CLASP1: variants seen among roughly 807,000 people sequenced by gnomAD.
CLASP1 encodes cytoplasmic linker associated protein 1, also known as CLIP-associating protein 1.
A neutral mutation model predicts 192.3 loss-of-function variants in CLASP1; 38 were observed. The ratio of observed to expected loss-of-function variants is 0.20; its 90% CI spans 0.15 to 0.26. The LOEUF is 0.26. Among genes scored for constraint, CLASP1 ranks in the 10% least tolerant of loss-of-function variants. CLASP1 has a pLI of 1.00. For synonymous variants in CLASP1, 691 were observed against 712.8 expected (o/e 0.97, Z 0.49); for missense variants, 1,433 against 1,932.5 (o/e 0.74, Z 4.85).
chr2:121,345,664 G>C (rs981276405), intron 39 of CLASP1, among the ~76,000 whole-genome samples: 2 of 152,126 alleles, frequency 1.3e-5, no homozygotes, highest in African/African-American at 4.8e-5. Flanking sequence ...CAAGGAGAAG[G>C]AACTGGAGAA....
intron 5 of CLASP1, among the ~76,000 whole-genome samples, 199 bp downstream of exon 5, chr2:121,527,600 T>C (rs1011025394): frequency 7.9e-5 from 12 of 152,134 alleles, no homozygotes; most frequent in Non-Finnish European, 1.6e-4. Flanking sequence ...GTTCTAGGGA[T>C]TGTATCCATC....
At chr2:121,587,449 C>G (rs914770945) in intron 2 of CLASP1, among the ~76,000 whole-genome samples, 3 of 152,154 alleles carry the variant, frequency 2.0e-5, no homozygotes, top group Non-Finnish European at 2.9e-5. Context: ...CCTCCCCTTC[C>G]CTTCTCATTT....
chr2:121,624,401 G>A (rs949188054), intron 1 of CLASP1, among the ~76,000 whole-genome samples: 1 of 151,976 alleles, frequency 6.6e-6, no homozygotes, highest in Non-Finnish European at 1.5e-5. Context: ...AGTGGCAGGG[G>A]TTTTTTTCTT....
At chr2:121,523,415 A>G (rs1305184258) in intron 6 of CLASP1, among the ~76,000 whole-genome samples, 1 of 151,872 alleles carries the variant, frequency 6.6e-6, no homozygotes, top group East Asian at 1.9e-4. Flanking sequence ...AAATAGTATC[A>G]GAGAGTAGCC....
At chr2:121,383,903 G>A (rs1489407489) in intron 32 of CLASP1, among the ~76,000 whole-genome samples, 2 of 149,980 alleles carry the variant, frequency 1.3e-5, no homozygotes, top group South Asian at 2.1e-4. Flanking sequence ...GATGTCTAAC[G>A]GAATGTTTTA....
intron 21 of CLASP1, 100 bp from the exon 22 acceptor site, chr2:121,425,406 T>C: frequency 1.1e-6 from 1 of 941,908 alleles, no homozygotes; most frequent in Non-Finnish European, 1.6e-6. Context: ...TTGGCTAAAA[T>C]ACACAATTTT....
exon 40 of CLASP1, chr2:121,338,692 G>A (rs559853554): frequency 1.3e-5 from 2 of 152,328 alleles, no homozygotes; most frequent in African/African-American, 4.8e-5. Flanking sequence ...TCTAAGTCAG[G>A]AGACTGAAGA....
intron 2 of CLASP1, among the ~76,000 whole-genome samples, chr2:121,533,373 T>C (rs2094948443): frequency 6.6e-6 from 1 of 152,204 alleles, no homozygotes; most frequent in Non-Finnish European, 1.5e-5. Context: ...AAGACCACTC[T>C]GATAATTAAC....
chr2:121,530,878 A>AT (rs776183139), intron 2 of CLASP1: 41 of 690,620 alleles, frequency 5.9e-5, no homozygotes, highest in East Asian at 1.6e-4. Context: ...ACTTTCTATT[A>AT]TAACCATCCT....
chr2:121,567,309 G>A (rs2059592436), intron 2 of CLASP1, among the ~76,000 whole-genome samples: 1 of 152,180 alleles, frequency 6.6e-6, no homozygotes, highest in Middle Eastern at 3.2e-3. Context: ...CTTGCCCTCT[G>A]GGAGCTTCCC....
chr2:121,454,351 G>A (rs1440071007), intron 14 of CLASP1, among the ~76,000 whole-genome samples: 1 of 152,098 alleles, frequency 6.6e-6, no homozygotes, highest in Non-Finnish European at 1.5e-5. Context: ...TCTCTCCCAT[G>A]TGAGGACACA....
intron 9 of CLASP1, among the ~76,000 whole-genome samples, chr2:121,467,461 G>A (rs565905972): frequency 6.6e-5 from 10 of 152,098 alleles, no homozygotes; most frequent in African/African-American, 1.4e-4. Flanking sequence ...CCACAACCTC[G>A]CCAGCATCTA....
intron 13 of CLASP1, among the ~76,000 whole-genome samples, chr2:121,458,309 C>A (rs1486964898): frequency 1.3e-5 from 2 of 152,130 alleles, no homozygotes; most frequent in Non-Finnish European, 2.9e-5. Context: ...CATTTTAAAC[C>A]TTTGTGAACT....
intron 20 of CLASP1, among the ~76,000 whole-genome samples, chr2:121,428,207 C>T (rs1055641616): frequency 3.3e-5 from 5 of 152,154 alleles, no homozygotes; most frequent in African/African-American, 1.2e-4. Flanking sequence ...TCTTCACCAC[C>T]TGCCAAGGTA....
chr2:121,594,144 C>T (rs2062809470), intron 2 of CLASP1, among the ~76,000 whole-genome samples: 1 of 148,906 alleles, frequency 6.7e-6, no homozygotes, highest in South Asian at 2.1e-4. Context: ...ACTAAAAATA[C>T]AAAAAATTAG....
chr2:121,468,170 C>T (rs1234899306), intron 9 of CLASP1, among the ~76,000 whole-genome samples: 1 of 152,160 alleles, frequency 6.6e-6, no homozygotes, highest in African/African-American at 2.4e-5. Flanking sequence ...TGTACTACTA[C>T]CACACTGTTT....
chr2:121,531,037 T>A (rs548176558), intron 2 of CLASP1: 1 of 699,552 alleles, frequency 1.4e-6, no homozygotes, highest in South Asian at 1.5e-5. Flanking sequence ...GACTTATCAG[T>A]TCAAACAGCA....
At chr2:121,576,186 TA>T (rs1487657100) in intron 2 of CLASP1, among the ~76,000 whole-genome samples, 32 of 152,066 alleles carry the variant, frequency 2.1e-4, no homozygotes, top group African/African-American at 6.5e-4. Context: ...GTGTTACAGG[TA>T]AAATTTTTTT....
chr2:121,372,188 G>A (rs980027803), intron 34 of CLASP1, among the ~76,000 whole-genome samples: 4 of 152,128 alleles, frequency 2.6e-5, no homozygotes, highest in Non-Finnish European at 5.9e-5. Flanking sequence ...TAATCCAATG[G>A]AGCCCTTTCA....
Sources: gnomAD v4.1 joint callset for allele counts (sites outside exome capture counted in the v4.1 genomes callset) on GRCh38, gnomAD v4.1.1 for gene constraint, MANE v1.5 for transcripts, NCBI Gene and HGNC (gene_info 2026-07-23, HGNC 2026-07-21) for gene names.